TNNT3: variants seen among roughly 807,000 people sequenced by gnomAD.
The protein encoded by TNNT3 is troponin T3, fast skeletal type.
A neutral mutation model predicts 54.2 loss-of-function variants in TNNT3; 36 were observed. The observed-to-expected ratio is 0.66, with a 90% CI of 0.51 to 0.88. TNNT3 has a LOEUF of 0.88. Among genes scored for constraint, TNNT3 ranks in the 40% least tolerant of loss-of-function variants. The probability of loss-of-function intolerance (pLI) is 0.00; values close to 1 mark genes in which losing one functional copy is unlikely to be tolerated. For missense variants in TNNT3, 291 were observed against 331.6 expected, an observed-to-expected ratio of 0.88 and a Z score of 0.95; for synonymous variants, 120 against 109.7, an observed-to-expected ratio of 1.09 and a Z score of -0.59.
chr11:1,926,570 CT>C, intron 5 of TNNT3, 124 bp from the exon 6 acceptor site: 2 of 1,607,714 alleles, frequency 1.2e-6, no homozygotes, highest in Admixed American at 3.3e-5. Context: ...CCGCGTAACC[CT>C]GCACAGCCTG....
chr11:1,934,606 G>A lies in TNNT3; in HGVS notation c.541G>A (p.Glu181Lys). The A allele has an allele frequency of 6.2e-7, 1 of 1,609,660 alleles. No homozygotes were observed. The highest frequency in any genetic ancestry group is 8.5e-7 in the Non-Finnish European group (1 of 1,178,468). Reference sequence around the variant, plus strand: ...GGAAATGAAGAAGAAGATTCTGGCTGAGAGACGCAAGCCGCTCAACATCGA... The same window carrying A: ...GGAAATGAAGAAGAAGATTCTGGCTAAGAGACGCAAGCCGCTCAACATCGA... ...AREMKKKILA[E>K]RRKPLNIDHL... The change falls in exon 13 of 16, where the codon GAG becomes AAG. Residue 181 changes from glutamate (E) to lysine (K), a missense_variant. Glu to Lys is a moderately conservative substitution (Grantham distance 56). Coordinates refer to ENST00000278317, the MANE Select transcript of TNNT3 (RefSeq NM_006757.4).
At chr11:1,929,971 C>CGCTGCTG in intron 8 of TNNT3, 143 bp downstream of exon 8, 1 of 1,179,870 alleles carries the variant, frequency 8.5e-7, no homozygotes, top group African/African-American at 1.5e-5. Context: ...CTGGCAGGCC[C>CGCTGCTG]AGCGCCTCGT....
chr11:1,927,145 G>A (rs1851842583), intron 6 of TNNT3, among the ~76,000 whole-genome samples: 1 of 152,168 alleles, frequency 6.6e-6, no homozygotes, highest in Admixed American at 6.5e-5. Flanking sequence ...AGGGAGGGGT[G>A]AGGTGGAAGG....
At chr11:1,922,119 G>A (rs950464518) in intron 1 of TNNT3, among the ~76,000 whole-genome samples, 1 of 152,204 alleles carries the variant, frequency 6.6e-6, no homozygotes, top group African/African-American at 2.4e-5. Context: ...GGGTGCACGG[G>A]AAGCGGCCCA....
intron 14 of TNNT3, 98 bp from the exon 15 acceptor site, chr11:1,936,865 C>T (rs1054293846): frequency 1.3e-5 from 17 of 1,340,548 alleles, no homozygotes; most frequent in South Asian, 6.3e-5. Context: ...CCCTGGGTCG[C>T]GCAGCCCAGC....
intron 15 of TNNT3, among the ~76,000 whole-genome samples, chr11:1,937,921 A>T (rs1221081527): frequency 6.6e-6 from 1 of 152,122 alleles, no homozygotes; most frequent in Non-Finnish European, 1.5e-5. Flanking sequence ...TGTCCTGCTG[A>T]GCAGCCGCGT....
intron 6 of TNNT3, among the ~76,000 whole-genome samples, chr11:1,928,616 A>G (rs12420273): frequency 0.21 from 31,409 of 152,022 alleles, 3,353 homozygotes; most frequent in African/African-American, 0.24. Context: ...GAGGCTCCTG[A>G]GGCCTGAGGG....
intron 14 of TNNT3, among the ~76,000 whole-genome samples, chr11:1,936,493 C>T (rs553678656): frequency 1.6e-4 from 25 of 152,292 alleles, no homozygotes; most frequent in African/African-American, 5.1e-4. Context: ...AAGCCAGCAG[C>T]GGCCACAGAG....
At chr11:1,920,286 G>A (rs992394639) in intron 1 of TNNT3, among the ~76,000 whole-genome samples, 2 of 152,208 alleles carry the variant, frequency 1.3e-5, no homozygotes, top group Non-Finnish European at 2.9e-5. Context: ...GCTCCTGTAT[G>A]GCCAGCCCGA....
chr11:1,930,478 G>T (rs1472451228), intron 8 of TNNT3, among the ~76,000 whole-genome samples: 1 of 152,188 alleles, frequency 6.6e-6, no homozygotes, highest in Non-Finnish European at 1.5e-5. Context: ...AGAGGAGCTT[G>T]TCCTCATCGC....
intron 15 of TNNT3, 128 bp downstream of exon 15, chr11:1,937,131 C>A: frequency 1.0e-6 from 1 of 974,480 alleles, no homozygotes; most frequent in Non-Finnish European, 1.6e-6. Context: ...CTAACCCGGC[C>A]AGGCCACCCA....
At chr11:1,929,225 C>T (rs965279386) in intron 7 of TNNT3, 82 bp downstream of exon 7, 40 of 1,496,140 alleles carry the variant, frequency 2.7e-5, no homozygotes, top group Admixed American at 2.7e-4. Flanking sequence ...TGGGGTCTCT[C>T]GCTGCCCTGC....
intron 1 of TNNT3, among the ~76,000 whole-genome samples, chr11:1,920,357 C>T (rs1849815382): frequency 6.6e-6 from 1 of 152,048 alleles, no homozygotes; most frequent in Non-Finnish European, 1.5e-5. Flanking sequence ...TCTGGAGGTG[C>T]AGGACAGAAG....
intron 14 of TNNT3, chr11:1,935,154 GC>G: frequency 1.7e-6 from 1 of 599,196 alleles, no homozygotes; most frequent in Non-Finnish European, 3.0e-6. Context: ...GATGAACCTG[GC>G]CCCTTTGGGC....
chr11:1,934,105 T>C, intron 11 of TNNT3, 97 bp downstream of exon 11: 3 of 1,366,752 alleles, frequency 2.2e-6, no homozygotes, highest in South Asian at 2.5e-5. Flanking sequence ...GGGGTTCCCA[T>C]TGTCATTGGC....
chr11:1,926,400 C>T (rs139689742), intron 5 of TNNT3: 355 of 1,599,732 alleles, frequency 2.2e-4, no homozygotes, highest in Non-Finnish European at 2.9e-4. Context: ...CCATTAACCT[C>T]GGACGCTTCT....
intron 4 of TNNT3, 185 bp from the exon 5 acceptor site, chr11:1,924,914 C>T: frequency 1.4e-6 from 1 of 710,214 alleles, no homozygotes; most frequent in South Asian, 1.5e-5. Context: ...GTCCGTGCTC[C>T]CCGGGGCTGG....
intron 5 of TNNT3, among the ~76,000 whole-genome samples, chr11:1,925,671 A>G (rs1406291514): frequency 6.6e-6 from 1 of 152,112 alleles, no homozygotes; most frequent in Non-Finnish European, 1.5e-5. Context: ...GACGCCCGCC[A>G]CATCTTGGGA....
At chr11:1,926,384 G>A (rs1385331577) in intron 5 of TNNT3, 1 of 1,560,892 alleles carries the variant, frequency 6.4e-7, no homozygotes, top group Non-Finnish European at 8.8e-7. Context: ...GTGGCGACGG[G>A]CTTTTCCATT....
Sources: allele counts gnomAD v4.1 joint callset (sites outside exome capture counted in the v4.1 genomes callset), GRCh38; gene constraint gnomAD v4.1.1; transcripts MANE v1.5; gene names NCBI Gene and HGNC (gene_info 2026-07-23, HGNC 2026-07-21).